CMIP: variants seen among roughly 807,000 people sequenced by gnomAD.
The protein encoded by CMIP is C-Maf-inducing protein.
A neutral mutation model predicts 97.3 loss-of-function variants in CMIP; 13 were observed. The observed-to-expected ratio is 0.13, with a 90% CI of 0.09 to 0.21. CMIP has a LOEUF of 0.21. Among genes scored for constraint, CMIP ranks in the 10% least tolerant of loss-of-function variants. The pLI, the probability that CMIP is intolerant of heterozygous loss-of-function variation, is 1.00. For synonymous variants in CMIP, 538 were observed against 436.3 expected, an observed-to-expected ratio of 1.23 and a Z score of -2.91; for missense variants, 847 against 1,024.9, an observed-to-expected ratio of 0.83 and a Z score of 2.37.
At chr16:81,603,695 C>G (rs2091695525) in intron 1 of CMIP, among the ~76,000 whole-genome samples, 1 of 152,172 alleles carries the variant, frequency 6.6e-6, no homozygotes, top group Non-Finnish European at 1.5e-5. Context: ...CTCAGGCTTT[C>G]CTCATGTTTA....
rs752639608 is a variant in CMIP at position 81,670,169 on chromosome 16, C to T, written c.853C>T (p.Leu285=). The change falls in exon 8 of 21, where the codon CTG becomes TTG. Residue 285 remains leucine (L), a synonymous_variant. Transcript: ENST00000537098. The part of the protein sequence containing the change: ...MDFGKCPRLR[L]FTQEYILALN... ...CTTTGGGAAGTGCCCGCGACTGAGG[C>T]TGTTTACTCAGGAGTACATCCTTGC... 2 of 1,610,800 alleles carry T rather than the reference C, an allele frequency of 1.2e-6. No individual in the cohort carries two copies. The highest frequency in any genetic ancestry group is 1.7e-6 in the Non-Finnish European group (2 of 1,178,746).
chr16:81,693,239 G>A (rs1431138931), intron 12 of CMIP, 55 bp downstream of exon 12: 1 of 1,556,778 alleles, frequency 6.4e-7, no homozygotes, highest in Non-Finnish European at 8.8e-7. Flanking sequence ...CCTCTGTCCT[G>A]AGGTCTTCCC....
At chr16:81,670,064 C>G in intron 7 of CMIP, 78 bp from the exon 8 acceptor site, 1 of 1,403,934 alleles carries the variant, frequency 7.1e-7, no homozygotes, top group Admixed American at 2.1e-5. Context: ...TCCCGCCCTT[C>G]TTTCTGGTGT....
At chr16:81,682,960 C>G (rs554168891) in intron 10 of CMIP, among the ~76,000 whole-genome samples, 1 of 152,194 alleles carries the variant, frequency 6.6e-6, no homozygotes, top group African/African-American at 2.4e-5. Context: ...ATTCGGGAGG[C>G]GAAGAAGAGC....
At chr16:81,649,086 C>G (rs1367681755) in intron 3 of CMIP, among the ~76,000 whole-genome samples, 1 of 152,208 alleles carries the variant, frequency 6.6e-6, no homozygotes, top group African/African-American at 2.4e-5. Flanking sequence ...TCAGGGTCCT[C>G]CCTATGACAA....
intron 10 of CMIP, among the ~76,000 whole-genome samples, chr16:81,685,204 C>G (rs1905255549): frequency 1.3e-5 from 2 of 152,306 alleles, no homozygotes; most frequent in Middle Eastern, 3.4e-3. Context: ...GTCCACTTGC[C>G]CTCTCCCTCC....
intron 13 of CMIP, chr16:81,696,322 C>T (rs930488413): frequency 6.8e-6 from 4 of 585,628 alleles, no homozygotes; most frequent in Non-Finnish European, 1.2e-5. Context: ...TGCCCTCCCT[C>T]CTGTGCAGCT....
chr16:81,584,501 T>C (rs2091348621), intron 1 of CMIP, among the ~76,000 whole-genome samples: 1 of 152,206 alleles, frequency 6.6e-6, no homozygotes, highest in Non-Finnish European at 1.5e-5. Flanking sequence ...AAAATCATCC[T>C]TCTTTTTGTC....
At chr16:81,552,183 C>T (rs947817321) in intron 1 of CMIP, among the ~76,000 whole-genome samples, 3 of 152,194 alleles carry the variant, frequency 2.0e-5, no homozygotes, top group Admixed American at 6.5e-5. Context: ...CCTCCCCATA[C>T]GTGGCAGTGG....
chr16:81,514,571 C>G (rs1051864969), intron 1 of CMIP, among the ~76,000 whole-genome samples: 3 of 152,272 alleles, frequency 2.0e-5, no homozygotes, highest in South Asian at 4.2e-4. Context: ...TTAATTAAGA[C>G]TTTAGCGTGG....
rs368449072 is a variant in CMIP, at chr16:81,674,128, G to T, written c.1034+2058G>T. Among the ~76,000 whole-genome samples, 29 of 152,282 alleles carry T rather than the reference G, an allele frequency of 1.9e-4. No homozygotes were observed. In the East Asian group the frequency reaches 5.2e-3, roughly 27 times the overall value. The stretch of plus-strand genomic sequence containing the variant: ...GCCTCAGGTCCCGATGTTCAAAGGG[G>T]ATCATGTCCCACCTTGAATCACTTC... On this transcript the variant is annotated intron_variant, in intron 9 of 20. Coordinates refer to ENST00000537098, the MANE Select transcript of CMIP (RefSeq NM_198390.3).
chr16:81,556,553 C>A (rs1361356907), intron 1 of CMIP, among the ~76,000 whole-genome samples: 1 of 152,130 alleles, frequency 6.6e-6, no homozygotes, highest in Non-Finnish European at 1.5e-5. Context: ...GAGGCAGTGT[C>A]TCCAGAGACA....
In CMIP at chr16:81,489,397, T is replaced by A. The variant is rs531240297; in HGVS notation, c.300+43856T>A. On this transcript the variant is annotated intron_variant, in intron 1 of 20. Transcript: ENST00000537098. ...GGCCCTGAGGAAAGGAGTACCACAA[T>A]ACACTGGTACTTTTTTCTCCTCGGT... Among the ~76,000 whole-genome samples the A allele has an allele frequency of 7.9e-5, 12 of 152,326 alleles. 1 individual carries two copies. The highest frequency in any genetic ancestry group is 2.9e-4 in the African/African-American group (12 of 41,574).
chr16:81,470,821 A>G (rs1907480119), intron 1 of CMIP, among the ~76,000 whole-genome samples: 1 of 152,262 alleles, frequency 6.6e-6, no homozygotes, highest in African/African-American at 2.4e-5. Context: ...GTAAGTAAAC[A>G]CAATTCTTGA....
rs551859908 is a variant in CMIP at position 81,598,905 on chromosome 16, G to T, written c.301-8662G>T. Among the ~76,000 whole-genome samples, 22 of 148,442 alleles carry T rather than the reference G, an allele frequency of 1.5e-4. No homozygotes were observed. In the South Asian group the frequency reaches 4.7e-3, roughly 32 times the overall value. ...AATCGCTTGAAGCCGGGAGGCGGGGGTTGCAGTGGGCCAAGATCATGCCAG... is the reference window on the plus strand; with the variant it reads ...AATCGCTTGAAGCCGGGAGGCGGGGTTTGCAGTGGGCCAAGATCATGCCAG... On this transcript the variant is annotated intron_variant, in intron 1 of 20. Transcript: ENST00000537098.
chr16:81,575,691 A>G (rs998399962), intron 1 of CMIP, among the ~76,000 whole-genome samples: 3 of 152,116 alleles, frequency 2.0e-5, no homozygotes, highest in Non-Finnish European at 2.9e-5. Context: ...GTAGCCCAAG[A>G]CACCAGCATG....
chr16:81,569,311 C>A (rs138994101), intron 1 of CMIP, among the ~76,000 whole-genome samples: 1 of 152,190 alleles, frequency 6.6e-6, no homozygotes, highest in Non-Finnish European at 1.5e-5. Flanking sequence ...AAAACTGAGG[C>A]GCAGAATGAT....
chr16:81,562,606 G>A (rs985612216), intron 1 of CMIP, among the ~76,000 whole-genome samples: 4 of 152,182 alleles, frequency 2.6e-5, no homozygotes, highest in African/African-American at 4.8e-5. Flanking sequence ...TCCTAGCCAC[G>A]CCCACGCCCA....
intron 10 of CMIP, among the ~76,000 whole-genome samples, chr16:81,688,314 G>T (rs529993024): frequency 6.6e-6 from 1 of 152,304 alleles, no homozygotes; most frequent in South Asian, 2.1e-4. Context: ...GGTGCTTCCC[G>T]CAGCTGCTCT....
Sources: gnomAD v4.1 joint callset for allele counts (sites outside exome capture counted in the v4.1 genomes callset) on GRCh38, gnomAD v4.1.1 for gene constraint, MANE v1.5 for transcripts, NCBI Gene and HGNC (gene_info 2026-07-23, HGNC 2026-07-21) for gene names.